Variants in OTUD7B observed in about 807,000 individuals in gnomAD.
The protein encoded by OTUD7B is OTU deubiquitinase 7B.
In OTUD7B, 34 loss-of-function variants were observed where a neutral mutation model predicts 82.2. The ratio of observed to expected loss-of-function variants is 0.41; its 90% CI spans 0.31 to 0.55. The LOEUF is 0.55. Ranked by LOEUF, OTUD7B falls within the 20% of genes least tolerant of loss-of-function variation. OTUD7B has a pLI of 0.20. For synonymous variants in OTUD7B, 398 were observed against 402.7 expected (o/e 0.99, Z 0.14); for missense variants, 944 against 1,062.1 (o/e 0.89, Z 1.55).
chr1:149,980,098 G>A (rs1228922954), intron 1 of OTUD7B, among the ~76,000 whole-genome samples: 3 of 151,688 alleles, frequency 2.0e-5, no homozygotes, highest in African/African-American at 7.3e-5. Context: ...CAGTCTTCTG[G>A]GTGAGAGAAG....
Position 149,944,420 on chromosome 1 carries a change from T to G in OTUD7B, c.1969A>C (p.Ile657Leu). ...EAERKIMNGG[I>L]GGGPPPAKKP... Reference sequence around the variant, plus strand: ...TTGGCTGGAGGAGGGCCACCCCCTATTCCTCCATTCATGATCTTCCTCTCT... The same window carrying G: ...TTGGCTGGAGGAGGGCCACCCCCTAGTCCTCCATTCATGATCTTCCTCTCT... The change falls in exon 12 of 12, where the codon ATA becomes CTA. Residue 657 changes from isoleucine to leucine, a missense_variant. Ile to Leu is a conservative substitution (Grantham distance 5). Coordinates refer to ENST00000581312, the MANE Select transcript of OTUD7B (RefSeq NM_020205.4). 3 of 1,614,114 alleles carry G rather than the reference T, an allele frequency of 1.9e-6. No individual in the cohort carries two copies.
At chr1:149,950,486 C>T (rs1191536955) in intron 7 of OTUD7B, among the ~76,000 whole-genome samples, 1 of 152,118 alleles carries the variant, frequency 6.6e-6, no homozygotes, top group Non-Finnish European at 1.5e-5. Flanking sequence ...GAGGTAATCC[C>T]TATCTCTTAA....
intron 1 of OTUD7B, among the ~76,000 whole-genome samples, chr1:150,003,723 G>A (rs1195657327): frequency 1.1e-4 from 16 of 152,044 alleles, no homozygotes; most frequent in Admixed American, 9.8e-4. Flanking sequence ...AGGTTTAGAC[G>A]TGTTTAGGTT....
chr1:149,975,786 G>A (rs184649313), intron 2 of OTUD7B, among the ~76,000 whole-genome samples: 32 of 152,234 alleles, frequency 2.1e-4, no homozygotes, highest in Admixed American at 8.5e-4. Flanking sequence ...CACTTTGGGA[G>A]GCTGAGGTGG....
the OTUD7B span, chr1:150,054,089 G>A: frequency 2.5e-6 from 1 of 405,608 alleles, no homozygotes; most frequent in Non-Finnish European, 4.6e-6. Flanking sequence ...GTACTCAGCT[G>A]TGAAATCCAA....
chr1:149,943,808 G>A lies in OTUD7B; in HGVS notation c.*49C>T, dbSNP rs201730149. On this transcript the variant is annotated 3_prime_UTR_variant, in exon 12 of 12. Coordinates refer to ENST00000581312, the MANE Select transcript of OTUD7B (RefSeq NM_020205.4). ...GACTGTGTTCTTGATGAGCCAATTA[G>A]TTGAGCTTAACTTTGTTTAGCCTCC... The A allele has an allele frequency of 2.3e-4, 359 of 1,564,744 alleles. 2 individuals are homozygous for A. The African/African-American group carries it at 4.6e-3, about 20-fold the overall frequency.
At chr1:150,030,275 A>C in the OTUD7B span, among the ~76,000 whole-genome samples, 1 of 152,118 alleles carries the variant, frequency 6.6e-6, no homozygotes, top group Non-Finnish European at 1.5e-5. Flanking sequence ...GATGGGAAGG[A>C]ATTTCCTTAC....
At chr1:150,038,145 C>G in the OTUD7B span, among the ~76,000 whole-genome samples, 1 of 152,060 alleles carries the variant, frequency 6.6e-6, no homozygotes, top group African/African-American at 2.4e-5. Context: ...AGGCGTGAAC[C>G]ACTGGGCCCA....
In OTUD7B at chr1:149,965,810, C is replaced by A; in HGVS notation, c.571G>T (p.Asp191Tyr). 6.2e-7 allele frequency: 1 copy of A among 1,614,084 alleles called. No homozygotes were observed. Among genetic ancestry groups the A allele is most frequent in the Non-Finnish European group, 8.5e-7 (1 of 1,179,962 alleles). The part of the protein sequence containing the change: ...QRLLPLATTG[D>Y]GNCLLHAASL... The stretch of plus-strand genomic sequence containing the variant: ...GCTGCATGCAGGAGGCAGTTCCCAT[C>A]TCCAGTAGTTGCCAAAGGAAGCAGC... Residue 191 changes from aspartate (D) to tyrosine (Y), a missense_variant, in exon 5 of 12, where the codon GAT becomes TAT. Physicochemically the swap from Asp to Tyr is radical, Grantham distance 160. Around this residue, in one of 3 missense-constraint regions of OTUD7B, gnomAD observed 530 missense variants for 625.6 expected, o/e 0.85. Coordinates refer to ENST00000581312, the MANE Select transcript of OTUD7B (RefSeq NM_020205.4).
In OTUD7B at chr1:149,942,277, C is replaced by T. The variant is rs2101704422; in HGVS notation, c.*1580G>A. 1 of 152,642 alleles carries T rather than the reference C, an allele frequency of 6.6e-6. No homozygotes were observed. The highest frequency in any genetic ancestry group is 2.4e-5 in the African/African-American group (1 of 41,512). The allele number at this position is 152,642 out of a possible 1,614,324, so 9.5% of individuals were successfully genotyped here. ...ACTTATTCCCCTTCTTCACATGCACCCGGGAGTGTATACAATTGCATAGTT... is the reference window on the plus strand; with the variant it reads ...ACTTATTCCCCTTCTTCACATGCACTCGGGAGTGTATACAATTGCATAGTT... On this transcript the variant is annotated 3_prime_UTR_variant, in exon 12 of 12. Transcript: ENST00000581312.
At chr1:149,948,556 G>A (rs1355703028) in intron 10 of OTUD7B, among the ~76,000 whole-genome samples, 9 of 151,716 alleles carry the variant, frequency 5.9e-5, no homozygotes, top group Admixed American at 5.9e-4. Flanking sequence ...ATTTTTAGTA[G>A]AGACGAGGTT....
intron 1 of OTUD7B, among the ~76,000 whole-genome samples, chr1:149,988,328 C>G (rs1651298502): frequency 6.6e-6 from 1 of 152,164 alleles, no homozygotes; most frequent in Non-Finnish European, 1.5e-5. Context: ...ATCACTACCA[C>G]TAGTATGTGT....
chr1:150,048,152 T>C, the OTUD7B span, among the ~76,000 whole-genome samples: 1 of 152,158 alleles, frequency 6.6e-6, no homozygotes, highest in Admixed American at 6.6e-5. Flanking sequence ...ATAAATACTC[T>C]GCCCCTACAT....
At chr1:150,017,843 C>A in the OTUD7B span, among the ~76,000 whole-genome samples, 7,560 of 152,224 alleles carry the variant, frequency 0.05, 655 homozygotes, top group African/African-American at 0.17. Context: ...GTACCACATA[C>A]TAAGAACATT....
chr1:149,947,484 A>G, intron 10 of OTUD7B, 149 bp from the exon 11 acceptor site: 1 of 553,634 alleles, frequency 1.8e-6, no homozygotes, highest in South Asian at 1.9e-5. Flanking sequence ...AATAAGCTTT[A>G]TGACCTTGAG....
chr1:150,054,911 T>G, the OTUD7B span: 1 of 270,114 alleles, frequency 3.7e-6, no homozygotes, highest in Non-Finnish European at 7.5e-6. Flanking sequence ...CAGCACAAGA[T>G]TGATCAAAAA....
chr1:150,044,322 C>T, the OTUD7B span, among the ~76,000 whole-genome samples: 1 of 151,918 alleles, frequency 6.6e-6, no homozygotes, highest in African/African-American at 2.4e-5. Context: ...GTCCTCCTGC[C>T]TCAGCCTCCC....
the OTUD7B span, among the ~76,000 whole-genome samples, chr1:150,034,308 A>C: frequency 6.6e-6 from 1 of 152,228 alleles, no homozygotes; most frequent in Admixed American, 6.5e-5. Context: ...AACTAAGGCA[A>C]AGTCTGCTCC....
chr1:149,965,452 A>C (rs1649462703), intron 5 of OTUD7B, among the ~76,000 whole-genome samples: 1 of 152,222 alleles, frequency 6.6e-6, no homozygotes, highest in Non-Finnish European at 1.5e-5. Flanking sequence ...CAAAAGAATA[A>C]ATATTAAGTA....
Sources: gnomAD v4.1 joint callset for allele counts (sites outside exome capture counted in the v4.1 genomes callset) on GRCh38, gnomAD v4.1.1 for gene constraint, gnomAD v4.1.1 regional missense constraint, MANE v1.5 for transcripts, NCBI Gene and HGNC (gene_info 2026-07-23, HGNC 2026-07-21) for gene names.